MYO16: variants seen among roughly 807,000 people sequenced by gnomAD.
MYO16 encodes unconventional myosin-XVI.
MYO16 carries 94 observed loss-of-function variants against 205.3 expected under a neutral mutation model. The observed-to-expected ratio is 0.46, with a 90% CI of 0.39 to 0.54. The LOEUF is 0.54. MYO16 is among the 20% of genes least tolerant of loss of function. The pLI is 0.00. For synonymous variants in MYO16, 988 were observed against 954.0 expected (o/e 1.04, Z -0.66); for missense variants, 2,315 against 2,387.5 (o/e 0.97, Z 0.63).
At chr13:109,103,629 CTT>C (rs1357836128) in intron 28 of MYO16, among the ~76,000 whole-genome samples, 1 of 152,192 alleles carries the variant, frequency 6.6e-6, no homozygotes, top group Non-Finnish European at 1.5e-5. Flanking sequence ...TCTCTTCTCT[CTT>C]TAACTTTAAT....
chr13:108,676,997 G>C (rs1174352781), intron 2 of MYO16, among the ~76,000 whole-genome samples: 1 of 152,022 alleles, frequency 6.6e-6, no homozygotes, highest in Non-Finnish European at 1.5e-5. Flanking sequence ...CTCTGTTTGC[G>C]AGCCCATATC....
chr13:109,062,318 A>G (rs140126316), intron 27 of MYO16, among the ~76,000 whole-genome samples: 1 of 152,312 alleles, frequency 6.6e-6, no homozygotes, highest in African/African-American at 2.4e-5. Flanking sequence ...GGTGTTTAAC[A>G]AATGTTTTCA....
intron 1 of MYO16, among the ~76,000 whole-genome samples, chr13:108,664,917 CA>C (rs1245745821): frequency 6.6e-6 from 1 of 152,118 alleles, no homozygotes; most frequent in Non-Finnish European, 1.5e-5. Flanking sequence ...ATAAATAAAA[CA>C]AGAACCGTAG....
intron 4 of MYO16, among the ~76,000 whole-genome samples, chr13:108,760,475 T>C (rs563810097): frequency 1.8e-5 from 1 of 56,352 alleles, no homozygotes; most frequent in Non-Finnish European, 4.7e-5. Context: ...AACTTAGGGT[T>C]TTTTTTTTTA....
chr13:109,199,247 T>A, intron 34 of MYO16, among the ~76,000 whole-genome samples: 1 of 125,100 alleles, frequency 8.0e-6, no homozygotes, highest in East Asian at 2.5e-4. Context: ...TATACCGTCA[T>A]TTTGCCTCGC....
chr13:109,074,023 G>T (rs1311207256), intron 27 of MYO16, among the ~76,000 whole-genome samples: 1 of 147,732 alleles, frequency 6.8e-6, no homozygotes, highest in Non-Finnish European at 1.5e-5. Flanking sequence ...AACCATTTTG[G>T]TTTTGATGGT....
intron 3 of MYO16, among the ~76,000 whole-genome samples, chr13:108,716,362 C>A (rs1883945343): frequency 6.6e-6 from 1 of 152,128 alleles, no homozygotes; most frequent in South Asian, 2.1e-4. Context: ...TATTAACTCC[C>A]AACCCAGTGC....
chr13:108,821,550 C>T (rs1427217807), intron 8 of MYO16, among the ~76,000 whole-genome samples: 2 of 152,176 alleles, frequency 1.3e-5, no homozygotes, highest in Non-Finnish European at 2.9e-5. Context: ...GTCACATCCT[C>T]GGCTAACTCT....
the MYO16 span, among the ~76,000 whole-genome samples, chr13:108,588,211 C>CTGGT: frequency 3.9e-5 from 6 of 152,164 alleles, no homozygotes; most frequent in African/African-American, 1.4e-4. Flanking sequence ...ATGCAATCTA[C>CTGGT]TGGTATTCCT....
At chr13:109,161,054 C>T (rs118072451) in intron 32 of MYO16, among the ~76,000 whole-genome samples, 11 of 152,266 alleles carry the variant, frequency 7.2e-5, no homozygotes, top group Admixed American at 6.5e-5. Context: ...GCTGCTTTCA[C>T]GTGTTTGGAT....
At chr13:108,756,561 A>C (rs1885427767) in intron 4 of MYO16, among the ~76,000 whole-genome samples, 1 of 152,142 alleles carries the variant, frequency 6.6e-6, no homozygotes, top group African/African-American at 2.4e-5. Context: ...TATTAGAGGA[A>C]ATTTTAAAAT....
chr13:108,909,023 T>C (rs1881136496), intron 15 of MYO16, among the ~76,000 whole-genome samples: 1 of 138,368 alleles, frequency 7.2e-6, no homozygotes, highest in African/African-American at 2.6e-5. Flanking sequence ...AAAATATAAT[T>C]GAAATACATA....
At chr13:108,981,303 A>G (rs1884439662) in intron 20 of MYO16, among the ~76,000 whole-genome samples, 1 of 152,246 alleles carries the variant, frequency 6.6e-6, no homozygotes, top group Non-Finnish European at 1.5e-5. Context: ...CAATAGTTAA[A>G]TAAAGCCTAG....
At chr13:108,926,323 T>C (rs1340247544) in intron 16 of MYO16, among the ~76,000 whole-genome samples, 1 of 152,222 alleles carries the variant, frequency 6.6e-6, no homozygotes, top group Admixed American at 6.5e-5. Context: ...TTATCTATTG[T>C]ATTTGAAGTA....
chr13:109,197,125 C>T (rs1880194166), intron 34 of MYO16, among the ~76,000 whole-genome samples: 1 of 152,158 alleles, frequency 6.6e-6, no homozygotes, highest in African/African-American at 2.4e-5. Flanking sequence ...TCAGCGGCTC[C>T]GCCCACTAGC....
chr13:108,739,856 A>T (rs1265038296), intron 4 of MYO16, among the ~76,000 whole-genome samples: 3 of 151,834 alleles, frequency 2.0e-5, no homozygotes, highest in Non-Finnish European at 4.4e-5. Context: ...TTTTTCTCTA[A>T]ACTTCTCTTC....
chr13:108,617,520 T>C (rs1879391381), intron 1 of MYO16, among the ~76,000 whole-genome samples: 1 of 152,196 alleles, frequency 6.6e-6, no homozygotes. Flanking sequence ...CCTGTTGTTG[T>C]AAATGCCTAA....
At chr13:108,996,131 A>G (rs1884993743) in intron 21 of MYO16, among the ~76,000 whole-genome samples, 1 of 152,216 alleles carries the variant, frequency 6.6e-6, no homozygotes, top group Admixed American at 6.5e-5. Context: ...ACACATGCAC[A>G]TGTATGTTTA....
At chr13:108,652,767 A>G (rs1881068258) in intron 1 of MYO16, among the ~76,000 whole-genome samples, 2 of 152,232 alleles carry the variant, frequency 1.3e-5, no homozygotes, top group African/African-American at 4.8e-5. Flanking sequence ...TCCATTATAC[A>G]TGTATACCAT....
Sources: gnomAD v4.1 joint callset for allele counts (sites outside exome capture counted in the v4.1 genomes callset) on GRCh38, gnomAD v4.1.1 for gene constraint, MANE v1.5 for transcripts, NCBI Gene and HGNC (gene_info 2026-07-23, HGNC 2026-07-21) for gene names.